FSTL5: variants seen among roughly 807,000 people sequenced by gnomAD.
FSTL5 encodes the protein follistatin like 5.
A neutral mutation model predicts 89.1 loss-of-function variants in FSTL5; 62 were observed. The ratio of observed to expected loss-of-function variants is 0.70; its 90% CI spans 0.57 to 0.86. The LOEUF (loss-of-function observed/expected upper bound fraction) is 0.86. FSTL5 is among the 40% of genes least tolerant of loss of function. The pLI, the probability that FSTL5 is intolerant of heterozygous loss-of-function variation, is 0.00. For synonymous variants in FSTL5, 383 were observed against 346.2 expected (o/e 1.11, Z -1.18); for missense variants, 1,057 against 1,001.6 (o/e 1.06, Z -0.75).
intron 7 of FSTL5, among the ~76,000 whole-genome samples, chr4:161,644,750 T>C (rs529526186): frequency 6.6e-6 from 1 of 152,294 alleles, no homozygotes; most frequent in East Asian, 1.9e-4. Context: ...GTAAATTTTA[T>C]GAAGACCTCT....
At chr4:162,088,609 A>G (rs1347732144) in intron 2 of FSTL5, among the ~76,000 whole-genome samples, 1 of 152,142 alleles carries the variant, frequency 6.6e-6, no homozygotes, top group Non-Finnish European at 1.5e-5. Context: ...CTCAAAATAC[A>G]TAACTGTAAG....
intron 6 of FSTL5, among the ~76,000 whole-genome samples, chr4:161,661,707 G>A (rs142171040): frequency 0.013 from 2,009 of 152,160 alleles, 21 homozygotes; most frequent in Non-Finnish European, 0.021. Context: ...GAATCTTCGA[G>A]ACTAAATGTC....
intron 2 of FSTL5, among the ~76,000 whole-genome samples, chr4:162,102,977 T>C (rs764119175): frequency 5.3e-5 from 8 of 151,986 alleles, no homozygotes; most frequent in Non-Finnish European, 8.8e-5. Context: ...TGGTTACTTT[T>C]AAAGCTTTAA....
chr4:161,606,078 G>T (rs1734428719), intron 7 of FSTL5, among the ~76,000 whole-genome samples: 1 of 151,978 alleles, frequency 6.6e-6, no homozygotes, highest in African/African-American at 2.4e-5. Flanking sequence ...TACAGCGAAG[G>T]TATCTCAGCT....
At chr4:161,712,156 C>A (rs928748743) in intron 6 of FSTL5, among the ~76,000 whole-genome samples, 1 of 152,038 alleles carries the variant, frequency 6.6e-6, no homozygotes, top group Non-Finnish European at 1.5e-5. Context: ...AAGGCATTTC[C>A]TTTTTGGGGG....
chr4:161,885,555 C>A (rs983429499), intron 4 of FSTL5, among the ~76,000 whole-genome samples: 1 of 152,152 alleles, frequency 6.6e-6, no homozygotes, highest in African/African-American at 2.4e-5. Context: ...AGGTAACTCT[C>A]CCACCTCAGC....
At chr4:161,509,760 A>G (rs563481286) in intron 11 of FSTL5, among the ~76,000 whole-genome samples, 1 of 152,166 alleles carries the variant, frequency 6.6e-6, no homozygotes, top group African/African-American at 2.4e-5. Context: ...TTGATGGACT[A>G]TTTAAGTACT....
At chr4:161,421,434 A>G (rs1285101210) in intron 15 of FSTL5, among the ~76,000 whole-genome samples, 1 of 151,976 alleles carries the variant, frequency 6.6e-6, no homozygotes, top group Non-Finnish European at 1.5e-5. Flanking sequence ...TAAGGTTACT[A>G]CATTTTCAGT....
At chr4:161,491,098 T>C (rs566356293) in intron 12 of FSTL5, among the ~76,000 whole-genome samples, 66 of 152,024 alleles carry the variant, frequency 4.3e-4, no homozygotes, top group Admixed American at 2.5e-3. Context: ...ACATTTCATC[T>C]GGGCTCTTTT....
At chr4:161,834,484 T>C (rs1287131796) in intron 4 of FSTL5, among the ~76,000 whole-genome samples, 5 of 152,296 alleles carry the variant, frequency 3.3e-5, no homozygotes, top group Middle Eastern at 3.4e-3. Context: ...ATAAAGGGTA[T>C]TCAATCAGGA....
chr4:161,673,071 A>G (rs1401265446), intron 6 of FSTL5, among the ~76,000 whole-genome samples: 1 of 150,946 alleles, frequency 6.6e-6, no homozygotes, highest in African/African-American at 2.4e-5. Flanking sequence ...TCATTAAAAC[A>G]AAGAAGACAT....
At chr4:161,435,376 A>C (rs192326563) in intron 15 of FSTL5, among the ~76,000 whole-genome samples, 1 of 152,240 alleles carries the variant, frequency 6.6e-6, no homozygotes, top group African/African-American at 2.4e-5. Flanking sequence ...ATTTCAAACA[A>C]TTAAACTAAT....
chr4:161,806,150 T>C (rs910477011), intron 4 of FSTL5, among the ~76,000 whole-genome samples: 6 of 152,120 alleles, frequency 3.9e-5, no homozygotes, highest in African/African-American at 1.4e-4. Context: ...TGTGGCACTT[T>C]ATGCACATTA....
At chr4:162,008,433 G>T (rs944202548) in intron 3 of FSTL5, among the ~76,000 whole-genome samples, 2 of 151,766 alleles carry the variant, frequency 1.3e-5, no homozygotes, top group African/African-American at 4.8e-5. Flanking sequence ...ATGTTGATAA[G>T]AAATACTGCT....
chr4:161,416,842 C>G (rs1731804482), intron 15 of FSTL5, among the ~76,000 whole-genome samples: 1 of 133,326 alleles, frequency 7.5e-6, no homozygotes, highest in African/African-American at 2.7e-5. Flanking sequence ...GAGACTCCAT[C>G]TCAAAAAAAA....
At chr4:161,753,780 C>T (rs1197378613) in intron 6 of FSTL5, among the ~76,000 whole-genome samples, 1 of 152,054 alleles carries the variant, frequency 6.6e-6, no homozygotes, top group East Asian at 1.9e-4. Context: ...CGGTGGCTCA[C>T]GCCTGCAATC....
intron 1 of FSTL5, among the ~76,000 whole-genome samples, chr4:162,129,010 C>G (rs959085247): frequency 6.7e-6 from 1 of 148,974 alleles, no homozygotes; most frequent in East Asian, 2.0e-4. Context: ...CTGCAACCTC[C>G]GGCTCCCGGG....
At chr4:162,152,927 G>A (rs1733287475) in intron 1 of FSTL5, among the ~76,000 whole-genome samples, 1 of 149,552 alleles carries the variant, frequency 6.7e-6, no homozygotes, top group Non-Finnish European at 1.5e-5. Flanking sequence ...AAAAATGAAA[G>A]CTAATTTTCA....
chr4:161,465,186 ATTTT>A (rs942250802), intron 13 of FSTL5, among the ~76,000 whole-genome samples: 6 of 152,042 alleles, frequency 3.9e-5, no homozygotes, highest in African/African-American at 1.4e-4. Context: ...ATAAAATAAG[ATTTT>A]TTTAAGATTA....
Sources: allele counts gnomAD v4.1 joint callset (sites outside exome capture counted in the v4.1 genomes callset), GRCh38; gene constraint gnomAD v4.1.1; transcripts MANE v1.5; gene names NCBI Gene and HGNC (gene_info 2026-07-23, HGNC 2026-07-21).